LRMDA: variants seen among roughly 807,000 people sequenced by gnomAD.
LRMDA encodes leucine rich melanocyte differentiation associated, also known as leucine-rich melanocyte differentiation-associated protein.
Under a neutral mutation model 29.8 loss-of-function variants are expected in LRMDA, and 18 were observed. The observed-to-expected ratio is 0.60, with a 90% confidence interval of 0.42 to 0.90. The LOEUF (loss-of-function observed/expected upper bound fraction) is 0.90, where lower values mean the gene tolerates loss of function less well. Among genes scored for constraint, LRMDA ranks in the 40% least tolerant of loss-of-function variants. LRMDA has a pLI of 0.00. For missense variants in LRMDA, 273 were observed against 273.9 expected, an observed-to-expected ratio of 1.00 and a Z score of 0.02; for synonymous variants, 125 against 109.4, an observed-to-expected ratio of 1.14 and a Z score of -0.89.
intron 2 of LRMDA, among the ~76,000 whole-genome samples, chr10:75,887,158 A>T (rs2132349719): frequency 6.7e-6 from 1 of 150,114 alleles, no homozygotes; most frequent in Non-Finnish European, 1.5e-5. Context: ...CATAAATGTA[A>T]TATTTATATA....
rs1036444621 is a variant in LRMDA, at chr10:76,120,468, G to A, written c.516+61685G>A. ...CTCCCAAAGTGCTGGGATTACAGGC[G>A]TGAGTCACCATGCCTGGCCAAGTAT... On this transcript the variant is annotated intron_variant, in intron 5 of 6. Coordinates refer to ENST00000611255, the MANE Select transcript of LRMDA (RefSeq NM_001305581.2). Among the ~76,000 whole-genome samples the A allele has an allele frequency of 6.6e-5, 10 of 152,170 alleles. No individual in the cohort carries two copies. The South Asian group carries it at 1.0e-3, about 16-fold the overall frequency.
chr10:76,344,931 G>GA (rs201415267), intron 6 of LRMDA, among the ~76,000 whole-genome samples: 1 of 145,478 alleles, frequency 6.9e-6, no homozygotes, highest in African/African-American at 2.5e-5. Context: ...TACAAGTACT[G>GA]AAAAAAAAGC....
At chr10:76,254,234 C>T (rs1263516479) in intron 5 of LRMDA, among the ~76,000 whole-genome samples, 1 of 151,650 alleles carries the variant, frequency 6.6e-6, no homozygotes, top group African/African-American at 2.4e-5. Flanking sequence ...TAGTAGCATC[C>T]TTCCTTCTTG....
At chr10:76,395,363 G>C (rs1841771320) in intron 6 of LRMDA, among the ~76,000 whole-genome samples, 1 of 152,158 alleles carries the variant, frequency 6.6e-6, no homozygotes, top group Admixed American at 6.5e-5. Flanking sequence ...AATCTCAGCT[G>C]GTTCTCCTCT....
intron 2 of LRMDA, among the ~76,000 whole-genome samples, chr10:75,775,285 C>T (rs1363428832): frequency 2.0e-5 from 3 of 152,120 alleles, no homozygotes; most frequent in Non-Finnish European, 4.4e-5. Context: ...TGCTATGTTG[C>T]CCAGGCTGGA....
chr10:76,056,185 G>C (rs1165478116), intron 4 of LRMDA, among the ~76,000 whole-genome samples: 1 of 152,186 alleles, frequency 6.6e-6, no homozygotes, highest in Admixed American at 6.5e-5. Flanking sequence ...AGGAGACCCA[G>C]AGTGGGTAGC....
intron 6 of LRMDA, among the ~76,000 whole-genome samples, chr10:76,469,969 T>C (rs1203471040): frequency 6.6e-6 from 1 of 152,098 alleles, no homozygotes; most frequent in East Asian, 1.9e-4. Context: ...TTCTCCCCTA[T>C]GATCATGGAT....
chr10:76,469,845 T>G (rs1350103298), intron 6 of LRMDA, among the ~76,000 whole-genome samples: 1 of 152,112 alleles, frequency 6.6e-6, no homozygotes, highest in Admixed American at 6.6e-5. Context: ...TACAATTCAG[T>G]GGCATCTATA....
intron 6 of LRMDA, among the ~76,000 whole-genome samples, chr10:76,496,686 G>A (rs1842881310): frequency 1.3e-5 from 1 of 74,834 alleles, no homozygotes; most frequent in South Asian, 3.5e-4. Flanking sequence ...AGAGACATAG[G>A]CCAAGTTATC....
intron 5 of LRMDA, among the ~76,000 whole-genome samples, chr10:76,266,505 C>T (rs968506216): frequency 3.9e-5 from 6 of 152,128 alleles, no homozygotes; most frequent in Non-Finnish European, 8.8e-5. Context: ...TGCTCTTCAT[C>T]ATATTACCTA....
At chr10:75,724,478 TA>T (rs1842607157) in intron 2 of LRMDA, among the ~76,000 whole-genome samples, 3 of 152,172 alleles carry the variant, frequency 2.0e-5, no homozygotes, top group Admixed American at 2.0e-4. Flanking sequence ...TTATCTGAGG[TA>T]TGGGAAGAGA....
At chr10:75,473,584 C>T (rs939238161) in intron 2 of LRMDA, among the ~76,000 whole-genome samples, 12 of 152,186 alleles carry the variant, frequency 7.9e-5, no homozygotes, top group Admixed American at 7.9e-4. Context: ...AATGTGGGCT[C>T]CAAAGGCAGA....
At chr10:76,350,009 A>G (rs995333801) in intron 6 of LRMDA, among the ~76,000 whole-genome samples, 1 of 152,138 alleles carries the variant, frequency 6.6e-6, no homozygotes, top group African/African-American at 2.4e-5. Context: ...AATCAAAAGA[A>G]AAAGAAACCG....
intron 2 of LRMDA, among the ~76,000 whole-genome samples, chr10:76,007,966 G>A (rs1465998473): frequency 6.6e-6 from 1 of 152,208 alleles, no homozygotes; most frequent in African/African-American, 2.4e-5. Context: ...CGTCAGAGAT[G>A]ATGAGTGTTC....
At chr10:75,475,588 G>T (rs1319964616) in intron 2 of LRMDA, among the ~76,000 whole-genome samples, 5 of 152,156 alleles carry the variant, frequency 3.3e-5, no homozygotes, top group Admixed American at 3.3e-4. Flanking sequence ...GGTAATTCAT[G>T]GTTTGGTATC....
chr10:75,504,505 T>G (rs768139128), intron 2 of LRMDA, among the ~76,000 whole-genome samples: 2 of 152,186 alleles, frequency 1.3e-5, no homozygotes, highest in Non-Finnish European at 1.5e-5. Flanking sequence ...TATCAAAGGT[T>G]TGGCCAGTAA....
In LRMDA at chr10:75,479,324, G is replaced by A. The variant is rs369318146; in HGVS notation, c.131+40830G>A. Among the ~76,000 whole-genome samples the A allele has an allele frequency of 2.2e-4, 34 of 152,012 alleles. No homozygotes were observed. The East Asian group carries it at 5.8e-3, about 26-fold the overall frequency. On this transcript the variant is annotated intron_variant, in intron 2 of 6. Coordinates refer to ENST00000611255, the MANE Select transcript of LRMDA (RefSeq NM_001305581.2). ...AGATTGAGACCATCCTACATAACAC[G>A]GTGAAACCCCGCCTGTACTAAAAAT...
intron 2 of LRMDA, among the ~76,000 whole-genome samples, chr10:75,697,679 G>A (rs1043165016): frequency 6.6e-6 from 1 of 152,018 alleles, no homozygotes; most frequent in Non-Finnish European, 1.5e-5. Context: ...CCATTTTAAG[G>A]ACCTTATCAG....
chr10:76,483,597 C>G (rs965249746), intron 6 of LRMDA, among the ~76,000 whole-genome samples: 1 of 151,632 alleles, frequency 6.6e-6, no homozygotes, highest in Non-Finnish European at 1.5e-5. Flanking sequence ...TAGGGGCAGG[C>G]GCACAGTGGC....
Sources: allele counts gnomAD v4.1 joint callset (sites outside exome capture counted in the v4.1 genomes callset), GRCh38; gene constraint gnomAD v4.1.1; transcripts MANE v1.5; gene names NCBI Gene and HGNC (gene_info 2026-07-23, HGNC 2026-07-21).